PDE1A: variants seen among roughly 807,000 people sequenced by gnomAD.
PDE1A encodes the protein phosphodiesterase 1A, also known as dual specificity calcium/calmodulin-dependent 3',5'-cyclic nucleotide phosphodiesterase 1A.
A neutral mutation model predicts 61.7 loss-of-function variants in PDE1A; 35 were observed. That is an observed-to-expected ratio of 0.57 (90% CI 0.43 to 0.75). The LOEUF (loss-of-function observed/expected upper bound fraction) is 0.75, where lower values mean the gene tolerates loss of function less well. Among genes scored for constraint, PDE1A ranks in the 30% least tolerant of loss-of-function variants. PDE1A has a pLI of 0.00. For missense variants in PDE1A, 597 were observed against 630.6 expected, an observed-to-expected ratio of 0.95 and a Z score of 0.57; for synonymous variants, 232 against 213.2, an observed-to-expected ratio of 1.09 and a Z score of -0.77.
At chr2:182,238,512 G>C (rs1049186858) in intron 3 of PDE1A, among the ~76,000 whole-genome samples, 1 of 152,056 alleles carries the variant, frequency 6.6e-6, no homozygotes, top group Non-Finnish European at 1.5e-5. Context: ...GGCTTGCCAG[G>C]GAATTGAATC....
chr2:182,307,824 C>A (rs1695691222), intron 1 of PDE1A, among the ~76,000 whole-genome samples: 1 of 152,048 alleles, frequency 6.6e-6, no homozygotes, highest in South Asian at 2.1e-4. Flanking sequence ...CCACTGAACT[C>A]TAGCATGAAC....
the PDE1A span, among the ~76,000 whole-genome samples, chr2:182,573,100 TG>T: frequency 6.6e-6 from 1 of 152,076 alleles, no homozygotes; most frequent in South Asian, 2.1e-4. Flanking sequence ...TGGTGAGAAA[TG>T]GGCTCTGCCT....
At chr2:182,582,580 G>A in the PDE1A span, among the ~76,000 whole-genome samples, 1 of 152,200 alleles carries the variant, frequency 6.6e-6, no homozygotes, top group African/African-American at 2.4e-5. Context: ...ATGGACAAAA[G>A]AGATGGGAGA....
At chr2:182,543,501 C>T in the PDE1A span, among the ~76,000 whole-genome samples, 1 of 152,136 alleles carries the variant, frequency 6.6e-6, no homozygotes, top group African/African-American at 2.4e-5. Context: ...CAGCTTTGTA[C>T]ATCAAACTAT....
At chr2:182,536,258 C>T in the PDE1A span, among the ~76,000 whole-genome samples, 8 of 152,132 alleles carry the variant, frequency 5.3e-5, no homozygotes, top group African/African-American at 1.9e-4. Context: ...CTTTTTTCTA[C>T]TTAGGTACAT....
chr2:182,651,037 G>A, the PDE1A span, among the ~76,000 whole-genome samples: 7 of 151,824 alleles, frequency 4.6e-5, no homozygotes, highest in South Asian at 4.2e-4. Context: ...ATGGAGTTTC[G>A]CTCTTGTTGC....
At chr2:182,178,671 G>T (rs934629559) in intron 13 of PDE1A, among the ~76,000 whole-genome samples, 4 of 152,096 alleles carry the variant, frequency 2.6e-5, no homozygotes, top group Admixed American at 2.0e-4. Flanking sequence ...AATAGAGGAG[G>T]GGTGGCTGTG....
the PDE1A span, among the ~76,000 whole-genome samples, chr2:182,607,486 A>C: frequency 6.6e-6 from 1 of 152,226 alleles, no homozygotes; most frequent in East Asian, 1.9e-4. Flanking sequence ...GCGTATACCA[A>C]AATTCATGCA....
the PDE1A span, among the ~76,000 whole-genome samples, chr2:182,663,295 C>T: frequency 6.6e-6 from 1 of 152,016 alleles, no homozygotes; most frequent in Admixed American, 6.6e-5. Context: ...GACAGAAAAA[C>T]CATTCAAGCC....
rs149431127 is a variant in PDE1A, at chr2:182,469,404, A to G, written c.101+52872T>C. On this transcript the variant is annotated intron_variant, in intron 2 of 14. Coordinates refer to the PDE1A transcript ENST00000410103. ...ATGAACCAGCCTCTGCTAGCTTCAGACTTTTCTTCTCCAGCTTCCTCACCT... is the reference window on the plus strand; with the variant it reads ...ATGAACCAGCCTCTGCTAGCTTCAGGCTTTTCTTCTCCAGCTTCCTCACCT... Among the ~76,000 whole-genome samples, 5 of 152,024 alleles carry G rather than the reference A, an allele frequency of 3.3e-5. No individual in the cohort carries two copies. The East Asian group carries it at 9.7e-4, about 30-fold the overall frequency.
At chr2:182,184,561 A>G (rs184605768) in intron 13 of PDE1A, among the ~76,000 whole-genome samples, 27 of 152,340 alleles carry the variant, frequency 1.8e-4, no homozygotes, top group Non-Finnish European at 3.1e-4. Context: ...TAACTGTGTT[A>G]TAAGAAAATA....
rs374919353 is a variant in PDE1A, at chr2:182,296,717, C to T, written c.54-32303G>A. 2.9e-3 allele frequency among the ~76,000 whole-genome samples: 436 copies of T among 152,276 alleles called. 4 individuals carry two copies. Among genetic ancestry groups the T allele is most frequent in the South Asian group, 0.013 (64 of 4,830 alleles). On this transcript the variant is annotated intron_variant, in intron 1 of 13. Transcript: ENST00000351439. ...TTTTATATCAACTTGACATAGAGTG[C>T]TCAGATAAAACATTATTTCTGGGTG...
chr2:182,570,689 G>C, the PDE1A span, among the ~76,000 whole-genome samples: 1 of 152,142 alleles, frequency 6.6e-6, no homozygotes, highest in Non-Finnish European at 1.5e-5. Context: ...GTTTAAAATA[G>C]GGTAAAAAGG....
the PDE1A span, among the ~76,000 whole-genome samples, chr2:182,641,019 C>CAAAAAAAAAAAGA: frequency 1.6e-5 from 1 of 61,324 alleles, no homozygotes; most frequent in Non-Finnish European, 2.8e-5. Context: ...GACTCCATCT[C>CAAAAAAAAAAAGA]AAAAAAAAAA....
At chr2:182,659,673 C>G in the PDE1A span, among the ~76,000 whole-genome samples, 1 of 152,224 alleles carries the variant, frequency 6.6e-6, no homozygotes, top group African/African-American at 2.4e-5. Context: ...CCAGTTCTAC[C>G]CAATTCTACC....
the PDE1A span, among the ~76,000 whole-genome samples, chr2:182,701,132 T>C: frequency 1.3e-5 from 2 of 151,526 alleles, no homozygotes; most frequent in South Asian, 2.1e-4. Context: ...CCTCCCAGGT[T>C]CACGCCATTC....
intron 1 of PDE1A, among the ~76,000 whole-genome samples, chr2:182,291,005 A>G (rs1161594745): frequency 6.6e-6 from 1 of 152,056 alleles, no homozygotes; most frequent in African/African-American, 2.4e-5. Flanking sequence ...ACACTAACTC[A>G]TCATGTACAG....
the PDE1A span, among the ~76,000 whole-genome samples, chr2:182,627,389 TA>T: frequency 1.3e-4 from 16 of 119,242 alleles, no homozygotes; most frequent in African/African-American, 3.5e-4. Flanking sequence ...ATATAATATA[TA>T]ATGTATATTA....
At chr2:182,423,712 T>C (rs1703423375) in intron 1 of PDE1A, among the ~76,000 whole-genome samples, 2 of 152,120 alleles carry the variant, frequency 1.3e-5, no homozygotes, top group South Asian at 4.1e-4. Flanking sequence ...GTAGCACATT[T>C]ATCTAGGTAT....
Sources: gnomAD v4.1 joint callset for allele counts (sites outside exome capture counted in the v4.1 genomes callset) on GRCh38, gnomAD v4.1.1 for gene constraint, MANE v1.5 for transcripts, NCBI Gene and HGNC (gene_info 2026-07-23, HGNC 2026-07-21) for gene names.